The following CNTNAP2 variants were observed in gnomAD, a reference collection of about 807,000 sequenced individuals.
The protein encoded by CNTNAP2 is contactin associated protein 2.
In CNTNAP2, 98 loss-of-function variants were observed where a neutral mutation model predicts 155.2. The observed-to-expected ratio is 0.63, with a 90% CI of 0.54 to 0.75. CNTNAP2 has a LOEUF of 0.75. CNTNAP2 is among the 30% of genes least tolerant of loss of function. The pLI, the probability that CNTNAP2 is intolerant of heterozygous loss-of-function variation, is 0.00. For synonymous variants in CNTNAP2, 651 were observed against 631.2 expected, an observed-to-expected ratio of 1.03 and a Z score of -0.47; for missense variants, 1,727 against 1,688.1, an observed-to-expected ratio of 1.02 and a Z score of -0.40.
chr7:146,452,198 C>T (rs568241061), intron 1 of CNTNAP2, among the ~76,000 whole-genome samples: 5 of 151,986 alleles, frequency 3.3e-5, no homozygotes, highest in Non-Finnish European at 5.9e-5. Context: ...TGAGCCACTG[C>T]GCCCGGCCTC....
intron 11 of CNTNAP2, chr7:147,496,893 C>G (rs1798719677): frequency 6.6e-6 from 1 of 152,034 alleles, no homozygotes; most frequent in Non-Finnish European, 1.5e-5. Flanking sequence ...CCTTTCCTCT[C>G]CCTCTTGGCA....
chr7:147,434,146 G>T (rs1184955753), intron 10 of CNTNAP2, among the ~76,000 whole-genome samples: 1 of 152,110 alleles, frequency 6.6e-6, no homozygotes, highest in Non-Finnish European at 1.5e-5. Flanking sequence ...ATTCAACTGG[G>T]TTTCCTGTTC....
At chr7:147,178,054 C>A (rs1802384243) in intron 8 of CNTNAP2, among the ~76,000 whole-genome samples, 2 of 152,092 alleles carry the variant, frequency 1.3e-5, no homozygotes, top group Admixed American at 1.3e-4. Flanking sequence ...CCATCCGCCC[C>A]CCCACCACGA....
intron 11 of CNTNAP2, among the ~76,000 whole-genome samples, chr7:147,538,604 C>G (rs1799588524): frequency 1.3e-5 from 2 of 152,060 alleles, no homozygotes; most frequent in Admixed American, 1.3e-4. Flanking sequence ...GAGCTGTGAT[C>G]ATGCCACTGT....
At chr7:147,529,442 G>T (rs373835435) in intron 11 of CNTNAP2, among the ~76,000 whole-genome samples, 4 of 152,052 alleles carry the variant, frequency 2.6e-5, no homozygotes, top group African/African-American at 7.2e-5. Flanking sequence ...AGAAACAAGG[G>T]CTTCATCCTC....
intron 15 of CNTNAP2, among the ~76,000 whole-genome samples, chr7:148,090,376 C>T (rs549100146): frequency 6.6e-6 from 1 of 152,046 alleles, no homozygotes; most frequent in East Asian, 1.9e-4. Context: ...GGATTAGTGT[C>T]CAAAAGGTAT....
chr7:147,318,185 T>A (rs1795271488), intron 9 of CNTNAP2, among the ~76,000 whole-genome samples: 1 of 152,188 alleles, frequency 6.6e-6, no homozygotes, highest in Non-Finnish European at 1.5e-5. Context: ...CTCACACCTA[T>A]AATCCCAGCA....
At chr7:148,229,867 G>A (rs1795928481) in intron 20 of CNTNAP2, 88 bp downstream of exon 20, 5 of 1,500,876 alleles carry the variant, frequency 3.3e-6, no homozygotes, top group South Asian at 2.3e-5. Context: ...TTGTTTTGAG[G>A]GGATAGAAGT....
chr7:147,292,647 A>G (rs1805339632), intron 8 of CNTNAP2, among the ~76,000 whole-genome samples: 1 of 152,180 alleles, frequency 6.6e-6, no homozygotes, highest in South Asian at 2.1e-4. Flanking sequence ...TCTCATGTGC[A>G]GACAAGATAA....
At chr7:147,574,298 C>A (rs760782625) in intron 12 of CNTNAP2, among the ~76,000 whole-genome samples, 2 of 151,892 alleles carry the variant, frequency 1.3e-5, no homozygotes, top group South Asian at 2.1e-4. Flanking sequence ...TTTTTTCTGA[C>A]CTTCACAGCT....
At chr7:148,021,185 T>C (rs1802273523) in intron 15 of CNTNAP2, among the ~76,000 whole-genome samples, 1 of 115,982 alleles carries the variant, frequency 8.6e-6, no homozygotes, top group Non-Finnish European at 1.7e-5. Flanking sequence ...TGGTGGAGGT[T>C]TTTTGTTTTT....
intron 4 of CNTNAP2, among the ~76,000 whole-genome samples, chr7:147,105,764 A>G (rs535268592): frequency 5.9e-5 from 9 of 152,134 alleles, no homozygotes; most frequent in African/African-American, 2.2e-4. Context: ...AGATAGATGG[A>G]TAGATAGGTG....
At chr7:148,404,194 T>C (rs1249588202) in intron 22 of CNTNAP2, among the ~76,000 whole-genome samples, 1 of 152,246 alleles carries the variant, frequency 6.6e-6, no homozygotes, top group African/African-American at 2.4e-5. Context: ...ATTTAGCCCT[T>C]GCTACTGCAT....
intron 13 of CNTNAP2, among the ~76,000 whole-genome samples, chr7:147,707,582 T>C (rs1056205110): frequency 6.6e-6 from 1 of 152,170 alleles, no homozygotes; most frequent in African/African-American, 2.4e-5. Context: ...TATGCTAATA[T>C]ACCTGTGTTA....
At chr7:148,138,067 A>G (rs967577938) in intron 16 of CNTNAP2, among the ~76,000 whole-genome samples, 19 of 152,328 alleles carry the variant, frequency 1.2e-4, no homozygotes, top group African/African-American at 4.3e-4. Flanking sequence ...GATACAACCT[A>G]TCGGCAGAGT....
intron 3 of CNTNAP2, among the ~76,000 whole-genome samples, chr7:146,842,849 C>T (rs1394558590): frequency 6.6e-6 from 1 of 151,152 alleles, no homozygotes; most frequent in Non-Finnish European, 1.5e-5. Context: ...CCACGCCCGG[C>T]TAATTTTTTG....
At chr7:146,959,964 T>C (rs1797522995) in intron 3 of CNTNAP2, among the ~76,000 whole-genome samples, 1 of 152,084 alleles carries the variant, frequency 6.6e-6, no homozygotes, top group Non-Finnish European at 1.5e-5. Context: ...AGCAGGGGCT[T>C]TAAAACTTGG....
chr7:146,694,387 C>A (rs1404551426), intron 1 of CNTNAP2, among the ~76,000 whole-genome samples: 1 of 152,202 alleles, frequency 6.6e-6, no homozygotes, highest in Non-Finnish European at 1.5e-5. Flanking sequence ...CTTGCCTTTG[C>A]TCCTTTGTCA....
chr7:147,833,530 C>T (rs76877797), intron 13 of CNTNAP2, among the ~76,000 whole-genome samples: 13,022 of 152,194 alleles, frequency 0.086, 783 homozygotes, highest in Non-Finnish European at 0.13. Context: ...GAAGGCCAGT[C>T]ACTGCTGGCC....
Sources: gnomAD v4.1 joint callset for allele counts (sites outside exome capture counted in the v4.1 genomes callset) on GRCh38, gnomAD v4.1.1 for gene constraint, MANE v1.5 for transcripts, NCBI Gene and HGNC (gene_info 2026-07-23, HGNC 2026-07-21) for gene names.